Variants in MYO9A observed in about 807,000 individuals in gnomAD.
MYO9A encodes the protein unconventional myosin-IXa.
A neutral mutation model predicts 293.3 loss-of-function variants in MYO9A; 103 were observed. The ratio of observed to expected loss-of-function variants is 0.35; its 90% CI spans 0.30 to 0.41. The LOEUF is 0.41. MYO9A is among the 10% of genes least tolerant of loss of function. MYO9A has a pLI of 1.00. For synonymous variants in MYO9A, 1,001 were observed against 1,035.7 expected (o/e 0.97, Z 0.64); for missense variants, 2,685 against 3,033.0 (o/e 0.89, Z 2.69).
rs1031737688 is a variant in MYO9A, at chr15:72,016,089, TTAA to T, written c.1155+2947_1155+2949del. On this transcript the variant is annotated intron_variant, in intron 6 of 41. Transcript: ENST00000356056. ...AACTGAGGAAACAAAGGCTGAGATGTTAATAATAATAAAAATAAAAAGACATTT... is the reference window on the plus strand; with the variant it reads ...AACTGAGGAAACAAAGGCTGAGATGTTAATAATAAAAATAAAAAGACATTT... Among the ~76,000 whole-genome samples, 21 of 152,174 alleles carry T rather than the reference TTAA, an allele frequency of 1.4e-4. No homozygotes were observed. In the South Asian group the frequency reaches 1.5e-3, roughly 11 times the overall value.
At position 71,825,077 on chromosome 15, in the gene MYO9A, T is replaced by TAAAC. The variant is rs2054418097; in HGVS notation, c.*1499_*1502dup. On this transcript the variant is annotated 3_prime_UTR_variant, in exon 42 of 42. Transcript: ENST00000356056. ...AAGATGCATTTAGTAACTTTAAAAATAAACATTTCACATACTTATCTCAAG... is the reference window on the plus strand; with the variant it reads ...AAGATGCATTTAGTAACTTTAAAAATAAACAAACATTTCACATACTTATCTCAAG... 5 of 152,364 alleles carry TAAAC rather than the reference T, an allele frequency of 3.3e-5. No homozygotes were observed. Among genetic ancestry groups the TAAAC allele is most frequent in the Admixed American group, 1.3e-4 (2 of 15,306 alleles). The allele number at this position is 152,364 out of a possible 1,614,324, so 9.4% of individuals were successfully genotyped here. A position where few individuals can be genotyped will look rare whatever the true frequency, so the allele number is the denominator to read the frequency against.
In MYO9A at chr15:71,951,771, C is replaced by G; in HGVS notation, c.2302+6G>C. ...GATAACAGTTTATCAGGATTTGTAG[C>G]CTTACTGTACTTCTCTTCCTTGCAT... On this transcript the variant is annotated splice_donor_region_variant and intron_variant, in intron 15 of 41. Transcript: ENST00000356056. The G allele has an allele frequency of 6.2e-7, 1 of 1,613,600 alleles. No individual in the cohort carries two copies. Among genetic ancestry groups the G allele is most frequent in the Non-Finnish European group, 8.5e-7 (1 of 1,179,814 alleles).
At chr15:72,076,558 C>G (rs1470938273) in intron 1 of MYO9A, among the ~76,000 whole-genome samples, 2 of 152,016 alleles carry the variant, frequency 1.3e-5, no homozygotes, top group African/African-American at 4.8e-5. Flanking sequence ...TGTGAAAGAT[C>G]TCTAACGTGA....
At chr15:71,973,638 C>A (rs1257695721) in intron 12 of MYO9A, among the ~76,000 whole-genome samples, 1 of 152,070 alleles carries the variant, frequency 6.6e-6, no homozygotes, top group Non-Finnish European at 1.5e-5. Context: ...CCAAGCAGAA[C>A]AACCCAGATG....
chr15:72,013,469 A>G lies in MYO9A; in HGVS notation c.1156-3022T>C, dbSNP rs571513423. On this transcript the variant is annotated intron_variant, in intron 6 of 41. Transcript: ENST00000356056. ...AAATGGTAAGGTTCGTTCCAAGGAT[A>G]AGGCAGGGAACTAACCAACAACTGT... is the stretch of plus-strand genomic sequence containing the variant. 3.3e-5 allele frequency among the ~76,000 whole-genome samples: 5 copies of G among 152,332 alleles called. No homozygotes were observed. The East Asian group carries it at 9.6e-4, about 29-fold the overall frequency.
intron 12 of MYO9A, among the ~76,000 whole-genome samples, chr15:71,976,110 T>C (rs1383719891): frequency 6.6e-6 from 1 of 152,128 alleles, no homozygotes; most frequent in Non-Finnish European, 1.5e-5. Context: ...AGGTGCAGTT[T>C]TGGGGACTGA....
intron 14 of MYO9A, among the ~76,000 whole-genome samples, chr15:71,957,930 A>G (rs2059241560): frequency 6.6e-6 from 1 of 152,176 alleles, no homozygotes; most frequent in Non-Finnish European, 1.5e-5. Flanking sequence ...AGAATCAAAT[A>G]AAGCATCATT....
intron 11 of MYO9A, among the ~76,000 whole-genome samples, chr15:71,978,639 T>C (rs2076200297): frequency 6.6e-6 from 1 of 152,078 alleles, no homozygotes; most frequent in African/African-American, 2.4e-5. Flanking sequence ...CTTTAAGCCA[T>C]CAAAAAGCAC....
At chr15:71,989,297 CTGTACTGACT>C (rs2076479336) in intron 11 of MYO9A, among the ~76,000 whole-genome samples, 2 of 152,188 alleles carry the variant, frequency 1.3e-5, no homozygotes, top group Non-Finnish European at 1.5e-5. Flanking sequence ...TATCTACACT[CTGTACTGACT>C]TGAGATTCTG....
chr15:72,110,435 C>CAAAA (rs397854173), intron 1 of MYO9A, among the ~76,000 whole-genome samples: 12 of 45,114 alleles, frequency 2.7e-4, no homozygotes, highest in East Asian at 1.2e-3. Flanking sequence ...GACTCCATCT[C>CAAAA]AAAAAAAAAA....
chr15:71,895,214 C>T (rs1020761989), intron 25 of MYO9A, among the ~76,000 whole-genome samples: 2 of 152,224 alleles, frequency 1.3e-5, no homozygotes, highest in Non-Finnish European at 2.9e-5. Flanking sequence ...CTATCAAAAT[C>T]TCTCTTGCCA....
intron 25 of MYO9A, among the ~76,000 whole-genome samples, chr15:71,896,169 T>C (rs2057320851): frequency 6.6e-6 from 1 of 152,162 alleles, no homozygotes; most frequent in Admixed American, 6.5e-5. Context: ...GAAAAATATA[T>C]TATTGATCAT....
intron 39 of MYO9A, among the ~76,000 whole-genome samples, chr15:71,833,928 G>T (rs1011319943): frequency 4.6e-5 from 7 of 151,530 alleles, no homozygotes; most frequent in Non-Finnish European, 1.0e-4. Context: ...ATTAATTAAA[G>T]AATTAATTAA....
chr15:71,864,778 T>A (rs1357307456), intron 32 of MYO9A, among the ~76,000 whole-genome samples: 6 of 152,126 alleles, frequency 3.9e-5, no homozygotes, highest in African/African-American at 1.4e-4. Context: ...AAGGTAAGAC[T>A]ATAGAAACAG....
chr15:71,841,239 T>C (rs1465958836), intron 39 of MYO9A, among the ~76,000 whole-genome samples: 1 of 152,222 alleles, frequency 6.6e-6, no homozygotes, highest in Non-Finnish European at 1.5e-5. Context: ...AATTGCTTTA[T>C]CTAGTACCTT....
chr15:71,905,671 G>A lies in MYO9A; in HGVS notation c.2686-665C>T, dbSNP rs920209802. 5.7e-5 allele frequency among the ~76,000 whole-genome samples: 8 copies of A among 140,006 alleles called. No homozygotes were observed. In the East Asian group the frequency reaches 6.4e-4, roughly 11 times the overall value. The allele number at this position is 140,006 out of a possible 152,430, so 91.8% of individuals were successfully genotyped here. ...GCGTGGTGGTGCCCGGCTGAGGCAT[G>A]AGAATTACTTAAACCTGGGAGGTGG... is the stretch of plus-strand genomic sequence containing the variant. On this transcript the variant is annotated intron_variant, in intron 19 of 41. Transcript: ENST00000356056.
rs1164059179 is a variant in MYO9A, at chr15:71,824,356, G to A, written c.*2224C>T. The A allele has an allele frequency of 6.6e-6, 1 of 152,100 alleles. No individual in the cohort carries two copies. Among genetic ancestry groups the A allele is most frequent in the Non-Finnish European group, 1.5e-5 (1 of 68,018 alleles). 9.4% of individuals were successfully genotyped at this position (152,100 alleles called of 1,614,324 possible). A position where few individuals can be genotyped will look rare whatever the true frequency, so the allele number is the denominator to read the frequency against. The stretch of plus-strand genomic sequence containing the variant: ...TATTTTGCCAAAAAAGCCCCACAAA[G>A]ATTTAGAAGGAAGAACATGTGCCAA... On this transcript the variant is annotated 3_prime_UTR_variant, in exon 42 of 42. Coordinates refer to ENST00000356056, the MANE Select transcript of MYO9A (RefSeq NM_006901.4).
chr15:71,881,729 CAT>C (rs376265730), intron 28 of MYO9A, among the ~76,000 whole-genome samples: 228 of 152,192 alleles, frequency 1.5e-3, no homozygotes, highest in African/African-American at 4.7e-3. Context: ...AAGTTTTATA[CAT>C]GTGTCATTAT....
chr15:71,929,509 T>C (rs1320229114), intron 18 of MYO9A, among the ~76,000 whole-genome samples: 1 of 152,220 alleles, frequency 6.6e-6, no homozygotes, highest in Non-Finnish European at 1.5e-5. Flanking sequence ...AGGTTGAATT[T>C]TGTCAAATTC....
Sources: gnomAD v4.1 joint callset for allele counts (sites outside exome capture counted in the v4.1 genomes callset) on GRCh38, gnomAD v4.1.1 for gene constraint, MANE v1.5 for transcripts, NCBI Gene and HGNC (gene_info 2026-07-23, HGNC 2026-07-21) for gene names.